Variants in ABCB11 observed in about 807,000 individuals in gnomAD.
ABCB11 encodes the protein bile salt export pump.
A neutral mutation model predicts 148.0 loss-of-function variants in ABCB11; 95 were observed. The observed-to-expected ratio is 0.64, with a 90% confidence interval of 0.54 to 0.76. The LOEUF (loss-of-function observed/expected upper bound fraction) is 0.76. Ranked by LOEUF, ABCB11 falls within the 30% of genes least tolerant of loss-of-function variation. ABCB11 has a pLI of 0.00. For synonymous variants in ABCB11, 591 were observed against 555.4 expected, an observed-to-expected ratio of 1.06 and a Z score of -0.90; for missense variants, 1,523 against 1,617.8, an observed-to-expected ratio of 0.94 and a Z score of 1.01.
At chr2:168,979,716 A>G (rs368442015) in intron 11 of ABCB11, 150 bp downstream of exon 11, 39 of 346,824 alleles carry the variant, frequency 1.1e-4, no homozygotes, top group Non-Finnish European at 1.6e-4. Flanking sequence ...GCACCAGCAC[A>G]TGATAGCATT....
chr2:168,919,762 C>T (rs1691022867), downstream of ABCB11, among the ~76,000 whole-genome samples: 1 of 152,054 alleles, frequency 6.6e-6, no homozygotes, highest in Non-Finnish European at 1.5e-5. Flanking sequence ...GAATGATTCC[C>T]CTTAGAATTT....
intron 19 of ABCB11, among the ~76,000 whole-genome samples, chr2:168,945,294 C>G (rs1349104594): frequency 6.6e-6 from 1 of 151,854 alleles, no homozygotes; most frequent in Admixed American, 6.6e-5. Flanking sequence ...AAAATAAAGT[C>G]TTTTAAATAA....
At position 168,932,409 on chromosome 2, in the gene ABCB11, T is replaced by C. The variant is rs752363781; in HGVS notation, c.3181A>G (p.Ile1061Val). The change falls in exon 24 of 28, where the codon ATC becomes GTC. Residue 1061 changes from isoleucine (I) to valine (V), a missense_variant. Coordinates refer to ENST00000650372, the MANE Select transcript of ABCB11 (RefSeq NM_003742.4). ...TCACCTGCAGTATTGTATACACTGA[T>C]TGGGGGTTGTCGGTCCAGCAGTTGA... ...FFQLLDRQPPISVYNTAGEKW... is the reference protein window; with the variant it reads ...FFQLLDRQPPVSVYNTAGEKW... 3.8e-6 allele frequency: 6 copies of C among 1,579,316 alleles called. No individual in the cohort carries two copies. The East Asian group carries it at 1.2e-4, about 30-fold the overall frequency.
At chr2:169,024,318 T>C (rs751007211) in intron 1 of ABCB11, among the ~76,000 whole-genome samples, 68 of 152,218 alleles carry the variant, frequency 4.5e-4, no homozygotes, top group Non-Finnish European at 8.5e-4. Flanking sequence ...TTTTCCATCT[T>C]AAGCAGCATA....
chr2:169,025,358 AGTG>A (rs1318299264), intron 1 of ABCB11, among the ~76,000 whole-genome samples: 2 of 152,164 alleles, frequency 1.3e-5, no homozygotes, highest in African/African-American at 4.8e-5. Context: ...CATGTCAGGA[AGTG>A]GTGGTGATGG....
intron 26 of ABCB11, among the ~76,000 whole-genome samples, chr2:168,926,442 T>C (rs930729223): frequency 6.6e-6 from 1 of 152,114 alleles, no homozygotes; most frequent in Non-Finnish European, 1.5e-5. Context: ...AAATAGACAA[T>C]CTCAGAAAGG....
chr2:168,950,822 T>C (rs1692530173), intron 19 of ABCB11, among the ~76,000 whole-genome samples: 1 of 151,868 alleles, frequency 6.6e-6, no homozygotes, highest in African/African-American at 2.4e-5. Flanking sequence ...TTGTGTTTGC[T>C]TTTGAGGACT....
At chr2:168,961,718 T>A (rs1574436233) in intron 18 of ABCB11, among the ~76,000 whole-genome samples, 1 of 151,700 alleles carries the variant, frequency 6.6e-6, no homozygotes, top group Non-Finnish European at 1.5e-5. Context: ...GATAAATGGG[T>A]ATAGTCTCAT....
chr2:168,927,055 T>A, intron 26 of ABCB11, 101 bp downstream of exon 26: 1 of 1,177,794 alleles, frequency 8.5e-7, no homozygotes, highest in Non-Finnish European at 1.2e-6. Flanking sequence ...CATTTTGGAT[T>A]TGGGATTTTC....
chr2:168,919,614 C>G (rs1314039290), downstream of ABCB11, among the ~76,000 whole-genome samples: 1 of 151,042 alleles, frequency 6.6e-6, no homozygotes. Context: ...TTTTTTTTAT[C>G]TGTGACCTTA....
In ABCB11 at chr2:168,968,239, C is replaced by A. The variant is rs2892809; in HGVS notation, c.2075+188G>T. Among the ~76,000 whole-genome samples the A allele has an allele frequency of 0.54, 80,861 of 150,956 alleles. 22,098 individuals carry two copies. The highest frequency in any genetic ancestry group is 0.75 in the East Asian group (3,761 of 5,040). ...AAGAAGATGAGAAGCTAACCAAAAA[C>A]CCATGAATTGGGGAGAGAAATGTCA... On this transcript the variant is annotated intron_variant, in intron 17 of 27. Coordinates refer to ENST00000650372, the MANE Select transcript of ABCB11 (RefSeq NM_003742.4).
intron 3 of ABCB11, among the ~76,000 whole-genome samples, chr2:169,015,374 C>CT (rs1558928769): frequency 8.6e-4 from 131 of 152,228 alleles, no homozygotes; most frequent in African/African-American, 3.0e-3. Flanking sequence ...CCTTCTGGCC[C>CT]AGAAAAGAAT....
intron 10 of ABCB11, among the ~76,000 whole-genome samples, chr2:168,984,110 G>C (rs923890304): frequency 6.6e-6 from 1 of 152,114 alleles, no homozygotes; most frequent in African/African-American, 2.4e-5. Flanking sequence ...AATGATCAGA[G>C]TCCAGTTGCA....
In ABCB11 at chr2:168,921,466, C is replaced by A. The variant is rs1391243683; in HGVS notation, c.*2156G>T. On this transcript the variant is annotated 3_prime_UTR_variant, in exon 28 of 28. Coordinates refer to ENST00000650372, the MANE Select transcript of ABCB11 (RefSeq NM_003742.4). ...GGTGCAGTCCTGCTCCCAAGGTTTT[C>A]ATTTCTGTGACAAGAGCTCTTTTTT... Among the ~76,000 whole-genome samples, 1 of 152,074 alleles carries A rather than the reference C, an allele frequency of 6.6e-6. No individual in the cohort carries two copies. The highest frequency in any genetic ancestry group is 1.5e-5 in the Non-Finnish European group (1 of 68,002).
At chr2:168,987,461 C>T (rs899353678) in intron 9 of ABCB11, among the ~76,000 whole-genome samples, 2 of 152,192 alleles carry the variant, frequency 1.3e-5, no homozygotes, top group Admixed American at 6.5e-5. Flanking sequence ...CAGGGTCTCA[C>T]TCCATCATTC....
intron 17 of ABCB11, among the ~76,000 whole-genome samples, chr2:168,965,940 T>A (rs1268249267): frequency 6.6e-6 from 1 of 151,852 alleles, no homozygotes; most frequent in Non-Finnish European, 1.5e-5. Flanking sequence ...TTCAACACCA[T>A]GCAGTTTCCT....
chr2:169,001,458 C>G (rs181236833), intron 5 of ABCB11, among the ~76,000 whole-genome samples: 1 of 152,250 alleles, frequency 6.6e-6, no homozygotes, highest in East Asian at 1.9e-4. Context: ...TCTGTCACCC[C>G]AACCCAGCAG....
At chr2:168,996,502 C>T (rs1291543665) in intron 6 of ABCB11, 133 bp downstream of exon 6, 1 of 448,896 alleles carries the variant, frequency 2.2e-6, no homozygotes, top group African/African-American at 2.0e-5. Flanking sequence ...TCTCCATTCT[C>T]TCATGTCCTC....
rs764220319 is a variant in ABCB11 at position 168,986,239 on chromosome 2, T to G, written c.954A>C (p.Lys318Asn). The change falls in exon 10 of 28, where the codon AAA (lysine) becomes AAC (asparagine). Residue 318 changes from lysine (K) to asparagine (N), a missense_variant. Physicochemically the swap from Lys to Asn is moderately conservative, Grantham distance 94 (BLOSUM62 0). Transcript: ENST00000650372. ...CAGTAAAGAATCCCATCACTATTCCTTTTCTAATTCCCCAACGCTGGGCGA... is the reference window on the plus strand; with the variant it reads ...CAGTAAAGAATCCCATCACTATTCCGTTTCTAATTCCCCAACGCTGGGCGA... ...LVFAQRWGIR[K>N]GIVMGFFTGF... 6.2e-7 allele frequency: 1 copy of G among 1,613,298 alleles called. No homozygotes were observed. The highest frequency in any genetic ancestry group is 1.1e-5 in the South Asian group (1 of 91,054).
Sources: allele counts gnomAD v4.1 joint callset (sites outside exome capture counted in the v4.1 genomes callset), GRCh38; gene constraint gnomAD v4.1.1; transcripts MANE v1.5; gene names NCBI Gene and HGNC (gene_info 2026-07-23, HGNC 2026-07-21).